FAM120C: variants seen among roughly 807,000 people sequenced by gnomAD.
FAM120C encodes the protein constitutive coactivator of PPAR-gamma-like protein 2.
FAM120C carries 14 observed loss-of-function variants against 71.2 expected under a neutral mutation model. The ratio of observed to expected loss-of-function variants is 0.20; its 90% CI spans 0.13 to 0.31. FAM120C has a LOEUF of 0.31. Ranked by LOEUF, FAM120C falls within the 10% of genes least tolerant of loss-of-function variation. The pLI, the probability that FAM120C is intolerant of heterozygous loss-of-function variation, is 1.00. For missense variants in FAM120C, 500 were observed against 879.0 expected (o/e 0.57, Z 5.45); for synonymous variants, 354 against 353.2 (o/e 1.00, Z -0.03).
rs1313849947 is a variant in FAM120C, at chrX:54,091,184, G to A, written c.2427+128C>T. Reference sequence around the variant, plus strand: ...GCTTTATTCATAGACATAAATATTTGGTTAAAGTAAATCAAACAGTTACCT... The same window carrying A: ...GCTTTATTCATAGACATAAATATTTAGTTAAAGTAAATCAAACAGTTACCT... On this transcript the variant is annotated intron_variant, in intron 11 of 15. Transcript: ENST00000375180. The A allele has an allele frequency of 9.0e-6, 4 of 442,062 alleles. No individual in the cohort carries two copies. The African/African-American group carries it at 9.9e-5, about 11-fold the overall frequency. 36.4% of individuals were successfully genotyped at this position (442,062 alleles called of 1,213,427 possible).
intron 13 of FAM120C, among the ~76,000 whole-genome samples, chrX:54,085,237 T>G (rs1028800687): frequency 8.9e-6 from 1 of 112,169 alleles, no homozygotes; most frequent in Non-Finnish European, 1.9e-5. Flanking sequence ...CTATGAAGAA[T>G]GGTCTTAAAA....
intron 14 of FAM120C, 95 bp downstream of exon 14, chrX:54,081,227 C>G: frequency 1.1e-6 from 1 of 888,096 alleles, no homozygotes; most frequent in Non-Finnish European, 1.5e-6. Flanking sequence ...TACTTCTTGC[C>G]TTAATAGAAG....
intron 4 of FAM120C, among the ~76,000 whole-genome samples, chrX:54,138,205 A>G (rs1379495347): frequency 1.8e-5 from 2 of 111,818 alleles, no homozygotes; most frequent in Non-Finnish European, 3.8e-5. Context: ...GGGAGACACA[A>G]AAGAGTACAC....
chrX:54,170,645 A>G (rs1265950043), intron 1 of FAM120C, among the ~76,000 whole-genome samples: 3 of 112,291 alleles, frequency 2.7e-5, no homozygotes, highest in African/African-American at 9.7e-5. Flanking sequence ...ACCTATGATC[A>G]AAGTTTGTGG....
At chrX:54,133,128 G>C (rs1557129729) in intron 8 of FAM120C, among the ~76,000 whole-genome samples, 1 of 111,601 alleles carries the variant, frequency 9.0e-6, no homozygotes, top group African/African-American at 3.3e-5. Flanking sequence ...GAGGCGGGTG[G>C]ATCACCTGAG....
chrX:54,092,929 C>T (rs1472216312), intron 10 of FAM120C, among the ~76,000 whole-genome samples: 1 of 111,733 alleles, frequency 8.9e-6, no homozygotes, highest in Non-Finnish European at 1.9e-5. Context: ...ACCTAAAATA[C>T]ATTTAAATTC....
chrX:54,083,433 C>CACACACACA (rs2066777104), intron 13 of FAM120C, among the ~76,000 whole-genome samples: 1 of 78,930 alleles, frequency 1.3e-5, no homozygotes. Flanking sequence ...GACCCCATCT[C>CACACACACA]CACACACACA....
At chrX:54,126,969 C>T (rs1430104335) in intron 9 of FAM120C, among the ~76,000 whole-genome samples, 2 of 112,206 alleles carry the variant, frequency 1.8e-5, no homozygotes. Flanking sequence ...TGTGGAGGCT[C>T]GGAAGTCTAA....
chrX:54,092,594 T>G lies in FAM120C; in HGVS notation c.2313-1168A>C, dbSNP rs374892063. The stretch of plus-strand genomic sequence containing the variant: ...GACGACGAAGAAGAAAGTGTGTGTG[T>G]GGGGGAAATAAAAAAGAAAGTAGAC... On this transcript the variant is annotated intron_variant, in intron 10 of 15. Coordinates refer to ENST00000375180, the MANE Select transcript of FAM120C (RefSeq NM_017848.6). Among the ~76,000 whole-genome samples the G allele has an allele frequency of 2.0e-4, 22 of 109,336 alleles. No individual in the cohort carries two copies. In the East Asian group the frequency reaches 3.2e-3, roughly 16 times the overall value. The allele number at this position is 109,336 out of a possible 115,157, so 94.9% of individuals were successfully genotyped here.
rs1557119988 is a variant in FAM120C, at chrX:54,070,865, C to G, written c.*2168G>C. 1 of 111,660 alleles carries G rather than the reference C, an allele frequency of 9.0e-6. No individual in the cohort carries two copies. Among genetic ancestry groups the G allele is most frequent in the Admixed American group, 9.6e-5 (1 of 10,378 alleles). 9.2% of individuals were successfully genotyped at this position (111,660 alleles called of 1,213,427 possible). On this transcript the variant is annotated 3_prime_UTR_variant, in exon 16 of 16. Transcript: ENST00000375180. ...CAAGGCATTGCAGGGCTCCCTCCCC[C>G]TGAAAATCATGGATTCTCTTAATCT...
intron 9 of FAM120C, among the ~76,000 whole-genome samples, chrX:54,127,313 C>T (rs782585469): frequency 8.2e-5 from 9 of 109,780 alleles, no homozygotes; most frequent in East Asian, 5.8e-4. Flanking sequence ...ATGAGATGGC[C>T]GGGTGCAGTG....
chrX:54,173,762 T>C (rs1313965357), intron 1 of FAM120C: 1 of 163,552 alleles, frequency 6.1e-6, no homozygotes, highest in East Asian at 1.3e-4. Flanking sequence ...TCAAAAATAT[T>C]ATTTAAAAAG....
chrX:54,085,998 G>C, intron 12 of FAM120C, 82 bp from the exon 13 acceptor site: 3 of 835,867 alleles, frequency 3.6e-6, no homozygotes, highest in South Asian at 2.3e-5. Flanking sequence ...GAGCACTCTA[G>C]GTACAGTCTC....
At chrX:54,086,491 C>T (rs2066794693) in intron 12 of FAM120C, among the ~76,000 whole-genome samples, 2 of 111,299 alleles carry the variant, frequency 1.8e-5, no homozygotes, top group Non-Finnish European at 3.8e-5. Context: ...TGGTGGCTCA[C>T]GCCTGTAGTC....
At chrX:54,150,752 G>A (rs1207271123) in intron 4 of FAM120C, among the ~76,000 whole-genome samples, 2 of 111,409 alleles carry the variant, frequency 1.8e-5, no homozygotes, top group East Asian at 2.8e-4. Flanking sequence ...TTACTTTACC[G>A]ATTTATTTTT....
intron 9 of FAM120C, among the ~76,000 whole-genome samples, chrX:54,126,570 G>C (rs782072011): frequency 4.4e-5 from 5 of 112,534 alleles, no homozygotes; most frequent in Non-Finnish European, 9.4e-5. Context: ...TATGTTAGCT[G>C]TAGGTTCTTT....
chrX:54,129,704 C>G (rs782692183), intron 9 of FAM120C, among the ~76,000 whole-genome samples: 1 of 112,042 alleles, frequency 8.9e-6, no homozygotes, highest in African/African-American at 3.2e-5. Flanking sequence ...GCCAAGATCA[C>G]GCCACTGCAC....
At position 54,148,990 on chromosome X, in the gene FAM120C, T is replaced by C. The variant is rs187047733; in HGVS notation, c.1158+2255A>G. 1.4e-3 allele frequency among the ~76,000 whole-genome samples: 160 copies of C among 111,676 alleles called. 2 individuals are homozygous for C. The highest frequency in any genetic ancestry group is 5.0e-3 in the African/African-American group (153 of 30,787). On this transcript the variant is annotated intron_variant, in intron 4 of 15. Coordinates refer to ENST00000375180, the MANE Select transcript of FAM120C (RefSeq NM_017848.6). ...AAATAAATGGAAAAAAACCTGACAA[T>C]ACCAAATGCTGGTAAGGAATGGAAC...
At chrX:54,106,830 C>T (rs1460853032) in intron 10 of FAM120C, among the ~76,000 whole-genome samples, 1 of 111,866 alleles carries the variant, frequency 8.9e-6, no homozygotes, top group Admixed American at 9.5e-5. Flanking sequence ...TAGAGAAATG[C>T]AAATCAAAAC....
Sources: allele counts gnomAD v4.1 joint callset (sites outside exome capture counted in the v4.1 genomes callset), GRCh38; gene constraint gnomAD v4.1.1; transcripts MANE v1.5; gene names NCBI Gene and HGNC (gene_info 2026-07-23, HGNC 2026-07-21).